CDH12: variants seen among roughly 807,000 people sequenced by gnomAD.
CDH12 encodes cadherin-12.
CDH12 carries 41 observed loss-of-function variants against 74.1 expected under a neutral mutation model. The observed-to-expected ratio is 0.55, with a 90% CI of 0.43 to 0.72. CDH12 has a LOEUF of 0.72. CDH12 is among the 30% of genes least tolerant of loss of function. The pLI is 0.00. For missense variants in CDH12, 945 were observed against 977.2 expected (o/e 0.97, Z 0.44); for synonymous variants, 399 against 355.0 (o/e 1.12, Z -1.39).
chr5:22,590,987 G>T (rs1219500386), intron 1 of CDH12, among the ~76,000 whole-genome samples: 1 of 151,982 alleles, frequency 6.6e-6, no homozygotes, highest in Non-Finnish European at 1.5e-5. Flanking sequence ...AATTCTTTGG[G>T]GAATATTCAT....
At chr5:22,117,512 A>ATATAATATATATATAAT (rs1554012043) in intron 4 of CDH12, among the ~76,000 whole-genome samples, 1 of 58,616 alleles carries the variant, frequency 1.7e-5, no homozygotes, top group Middle Eastern at 7.6e-3. Context: ...ATATATATAT[A>ATATAATATATATATAAT]ATATATATAT....
At chr5:22,390,954 G>A (rs1340611099) in intron 3 of CDH12, among the ~76,000 whole-genome samples, 1 of 152,158 alleles carries the variant, frequency 6.6e-6, no homozygotes, top group African/African-American at 2.4e-5. Context: ...TGATGAGACA[G>A]ACTGGCATTA....
chr5:22,639,288 A>G (rs755502899), intron 1 of CDH12, among the ~76,000 whole-genome samples: 8 of 152,004 alleles, frequency 5.3e-5, no homozygotes, highest in Non-Finnish European at 1.0e-4. Flanking sequence ...GAGGAGTGCA[A>G]GCAGTAAAGG....
chr5:22,447,578 A>G lies in CDH12; in HGVS notation c.-427-42227T>C, dbSNP rs146987860. 2.4e-4 allele frequency among the ~76,000 whole-genome samples: 37 copies of G among 152,254 alleles called. No homozygotes were observed. The East Asian group carries it at 7.2e-3, about 29-fold the overall frequency. ...TGGATTAAATCACATGTGTATAAAGAAAGTCTAAAATTATGAGCTAGTAAC... is the reference window on the plus strand; with the variant it reads ...TGGATTAAATCACATGTGTATAAAGGAAGTCTAAAATTATGAGCTAGTAAC... On this transcript the variant is annotated intron_variant, in intron 2 of 14. Coordinates refer to ENST00000382254, the MANE Select transcript of CDH12 (RefSeq NM_004061.5).
chr5:21,987,247 A>C (rs1757556431), intron 5 of CDH12, among the ~76,000 whole-genome samples: 2 of 152,182 alleles, frequency 1.3e-5, no homozygotes, highest in African/African-American at 4.8e-5. Context: ...TTCAAAAAGA[A>C]AAGCTAAATC....
intron 4 of CDH12, among the ~76,000 whole-genome samples, chr5:22,196,846 T>C (rs554427537): frequency 6.6e-6 from 1 of 152,282 alleles, no homozygotes; most frequent in Admixed American, 6.5e-5. Context: ...AATTATTTCA[T>C]GCGATAGATC....
chr5:21,892,043 T>C (rs973412939), intron 6 of CDH12, among the ~76,000 whole-genome samples: 1 of 152,174 alleles, frequency 6.6e-6, no homozygotes, highest in Non-Finnish European at 1.5e-5. Flanking sequence ...TATAACACGT[T>C]CAGTTTTAAA....
chr5:21,922,756 C>CAG (rs1754409183), intron 6 of CDH12, among the ~76,000 whole-genome samples: 1 of 151,978 alleles, frequency 6.6e-6, no homozygotes, highest in African/African-American at 2.4e-5. Flanking sequence ...TATGGGCTTC[C>CAG]CGAGAGACTA....
At chr5:22,458,965 C>A (rs545446236) in intron 2 of CDH12, among the ~76,000 whole-genome samples, 7 of 151,776 alleles carry the variant, frequency 4.6e-5, no homozygotes, top group Admixed American at 2.6e-4. Flanking sequence ...ATAAGTATAT[C>A]CATTTAATAG....
chr5:22,721,605 G>C (rs1366999132), intron 1 of CDH12, among the ~76,000 whole-genome samples: 1 of 152,160 alleles, frequency 6.6e-6, no homozygotes, highest in Admixed American at 6.5e-5. Context: ...GAGAAGGCAT[G>C]ATTGGTTTTG....
At chr5:22,084,241 T>G (rs759397468) in intron 4 of CDH12, among the ~76,000 whole-genome samples, 4 of 152,136 alleles carry the variant, frequency 2.6e-5, no homozygotes, top group Non-Finnish European at 5.9e-5. Context: ...CTCTTCCTAG[T>G]GATCTTGAAC....
intron 5 of CDH12, among the ~76,000 whole-genome samples, chr5:22,011,377 G>T (rs1384740285): frequency 5.3e-5 from 8 of 152,162 alleles, no homozygotes; most frequent in Admixed American, 3.9e-4. Flanking sequence ...TAAAGTTATT[G>T]TTGATGGCCA....
intron 6 of CDH12, among the ~76,000 whole-genome samples, chr5:21,907,459 G>A (rs949049194): frequency 6.6e-6 from 1 of 152,170 alleles, no homozygotes; most frequent in African/African-American, 2.4e-5. Context: ...GCAAAGGGAG[G>A]GCCTTGCAGG....
intron 4 of CDH12, among the ~76,000 whole-genome samples, chr5:22,103,368 C>G (rs1387215617): frequency 6.6e-6 from 1 of 152,126 alleles, no homozygotes; most frequent in Non-Finnish European, 1.5e-5. Flanking sequence ...TTCATTCTTA[C>G]AACCAGCCAT....
chr5:22,207,136 G>A (rs1387888148), intron 4 of CDH12, among the ~76,000 whole-genome samples: 4 of 149,282 alleles, frequency 2.7e-5, no homozygotes, highest in East Asian at 2.0e-4. Flanking sequence ...GGAGAATGGC[G>A]TGAACCTGGG....
intron 5 of CDH12, among the ~76,000 whole-genome samples, chr5:22,037,591 T>G (rs1380977842): frequency 1.3e-5 from 2 of 152,148 alleles, no homozygotes; most frequent in Non-Finnish European, 2.9e-5. Context: ...ATATTAAAGT[T>G]GCACTGTTTT....
chr5:22,848,215 C>G (rs1342904958), intron 1 of CDH12, among the ~76,000 whole-genome samples: 1 of 152,188 alleles, frequency 6.6e-6, no homozygotes, highest in Non-Finnish European at 1.5e-5. Context: ...AAACTTTCAT[C>G]ACAATGTAAA....
At chr5:21,906,987 T>G (rs1753669490) in intron 6 of CDH12, among the ~76,000 whole-genome samples, 2 of 152,150 alleles carry the variant, frequency 1.3e-5, no homozygotes, top group Non-Finnish European at 2.9e-5. Context: ...AATAGTTCTG[T>G]CTTGGTAGAG....
At chr5:22,153,832 T>TTA (rs1218756834) in intron 4 of CDH12, among the ~76,000 whole-genome samples, 2 of 144,102 alleles carry the variant, frequency 1.4e-5, no homozygotes, top group Non-Finnish European at 1.5e-5. Context: ...AAAGAAAAGG[T>TTA]TATATATATA....
Sources: allele counts gnomAD v4.1 joint callset (sites outside exome capture counted in the v4.1 genomes callset), GRCh38; gene constraint gnomAD v4.1.1; transcripts MANE v1.5; gene names NCBI Gene and HGNC (gene_info 2026-07-23, HGNC 2026-07-21).